Variants in ZMIZ1 observed in about 807,000 individuals in gnomAD.
ZMIZ1 encodes zinc finger MIZ-type containing 1.
A neutral mutation model predicts 113.9 loss-of-function variants in ZMIZ1; 17 were observed. The ratio of observed to expected loss-of-function variants is 0.15; its 90% CI spans 0.10 to 0.22. The LOEUF (loss-of-function observed/expected upper bound fraction) is 0.22. Ranked by LOEUF, ZMIZ1 falls within the 10% of genes least tolerant of loss-of-function variation. The pLI is 1.00. For missense variants in ZMIZ1, 1,059 were observed against 1,477.8 expected (o/e 0.72, Z 4.65); for synonymous variants, 607 against 603.1 (o/e 1.01, Z -0.09).
chr10:79,102,347 C>T (rs779715332), intron 1 of ZMIZ1, among the ~76,000 whole-genome samples: 38 of 152,362 alleles, frequency 2.5e-4, no homozygotes, highest in South Asian at 6.2e-4. Flanking sequence ...GCAGCGTGAC[C>T]TGAATCTGGC....
chr10:79,159,611 A>T (rs1029641649), intron 3 of ZMIZ1, among the ~76,000 whole-genome samples: 39 of 152,208 alleles, frequency 2.6e-4, no homozygotes, highest in African/African-American at 9.2e-4. Context: ...TGTGGAAATC[A>T]GGGATGTCAG....
intron 23 of ZMIZ1, among the ~76,000 whole-genome samples, chr10:79,309,746 A>G (rs1371404716): frequency 6.6e-6 from 1 of 152,190 alleles, no homozygotes; most frequent in African/African-American, 2.4e-5. Context: ...GCACACAGGA[A>G]GAACATGTCA....
At chr10:79,185,481 G>C (rs1040183816) in intron 4 of ZMIZ1, among the ~76,000 whole-genome samples, 7 of 151,902 alleles carry the variant, frequency 4.6e-5, no homozygotes, top group African/African-American at 1.7e-4. Context: ...TTGTTGACTG[G>C]AGCCAGAAGG....
At chr10:79,189,665 G>GAA (rs1847514812) in intron 4 of ZMIZ1, among the ~76,000 whole-genome samples, 1 of 152,360 alleles carries the variant, frequency 6.6e-6, no homozygotes, top group East Asian at 1.9e-4. Flanking sequence ...AAGATGGGGT[G>GAA]AAACATGGGT....
rs1589591728 is a variant in ZMIZ1, at chr10:79,296,962, T to C, written c.1413+309T>C. On this transcript the variant is annotated intron_variant, in intron 13 of 24. Coordinates refer to ENST00000334512, the MANE Select transcript of ZMIZ1 (RefSeq NM_020338.4). The surrounding 1 kb of genome is among the most constrained non-coding windows in gnomAD (Gnocchi z 4.1). ...AAAAAACACACATCCCCTGTATATA[T>C]TAACATTTCATTCTAAACTTTGTAT... 7.4e-6 allele frequency: 2 copies of C among 268,678 alleles called. No homozygotes were observed. Among genetic ancestry groups the C allele is most frequent in the East Asian group, 1.4e-4 (2 of 14,198 alleles). 16.6% of individuals were successfully genotyped at this position (268,678 alleles called of 1,614,324 possible). A position where few individuals can be genotyped will look rare whatever the true frequency, so the allele number is the denominator to read the frequency against.
In ZMIZ1 at chr10:79,069,586, C is replaced by T. The variant is rs1464097525; in HGVS notation, c.-337+316C>T. Among the ~76,000 whole-genome samples the T allele has an allele frequency of 6.6e-6, 1 of 151,730 alleles. No homozygotes were observed. Among genetic ancestry groups the T allele is most frequent in the Admixed American group, 6.5e-5 (1 of 15,294 alleles). On this transcript the variant is annotated intron_variant, in intron 1 of 24. Transcript: ENST00000334512. This position sits in a 1 kb window ranked among gnomAD's most constrained non-coding sequence, Gnocchi z 4.6. ...ACCCGGTGCCCGCCTCCTGCCGGCG[C>T]GCCTCCAGCCCTCGCTCCCTACACC...
At chr10:79,155,931 G>A (rs1303926308) in intron 3 of ZMIZ1, among the ~76,000 whole-genome samples, 2 of 152,252 alleles carry the variant, frequency 1.3e-5, no homozygotes, top group Non-Finnish European at 1.5e-5. Context: ...TGGCCCGCCA[G>A]CACTCTGTGC....
intron 1 of ZMIZ1, among the ~76,000 whole-genome samples, chr10:79,086,936 A>G (rs898537981): frequency 2.6e-5 from 4 of 152,206 alleles, no homozygotes; most frequent in African/African-American, 9.7e-5. Flanking sequence ...TCCATATAGC[A>G]AATAATTCTG....
At chr10:79,285,804 G>A (rs1853040327) in intron 8 of ZMIZ1, among the ~76,000 whole-genome samples, 1 of 152,254 alleles carries the variant, frequency 6.6e-6, no homozygotes, top group African/African-American at 2.4e-5. Flanking sequence ...CGAAGAGCCA[G>A]TGGAGTTCAG....
intron 7 of ZMIZ1, among the ~76,000 whole-genome samples, chr10:79,238,551 T>C (rs1293750646): frequency 1.3e-5 from 2 of 152,228 alleles, no homozygotes; most frequent in South Asian, 2.1e-4. Flanking sequence ...GCAAGAACTA[T>C]TTCAGTATTT....
At chr10:79,197,774 G>A (rs1847905023) in intron 4 of ZMIZ1, among the ~76,000 whole-genome samples, 1 of 151,994 alleles carries the variant, frequency 6.6e-6, no homozygotes, top group South Asian at 2.1e-4. Flanking sequence ...GTAAAATGGG[G>A]ATGTAACTAC....
intron 4 of ZMIZ1, among the ~76,000 whole-genome samples, chr10:79,186,768 A>G (rs1476639581): frequency 6.6e-6 from 1 of 152,238 alleles, no homozygotes; most frequent in Admixed American, 6.5e-5. Context: ...GAATGGTGAG[A>G]GTCCTGCTTC....
intron 4 of ZMIZ1, among the ~76,000 whole-genome samples, chr10:79,176,432 G>C (rs1846872601): frequency 6.6e-6 from 1 of 152,042 alleles, no homozygotes; most frequent in Admixed American, 6.5e-5. Context: ...AGAGCTCCGA[G>C]GTCTTCCTGA....
At chr10:79,196,077 C>A (rs1847820037) in intron 4 of ZMIZ1, among the ~76,000 whole-genome samples, 1 of 152,160 alleles carries the variant, frequency 6.6e-6, no homozygotes, top group South Asian at 2.1e-4. Context: ...AGGCCTTTGA[C>A]CCTTTTACTC....
In ZMIZ1 at chr10:79,259,286, TGGA is replaced by T. The variant is rs370964679; in HGVS notation, c.281-17890_281-17888del. Among the ~76,000 whole-genome samples, 858 of 152,242 alleles carry T rather than the reference TGGA, an allele frequency of 5.6e-3. 7 individuals carry two copies. Among genetic ancestry groups the T allele is most frequent in the African/African-American group, 0.02 (827 of 41,532 alleles). ...CTGTCTTAAAGCCTCTGGTTTTTCA[TGGA>T]GGAGAAGAGAGAGGAGGCCAGACCT... On this transcript the variant is annotated intron_variant, in intron 7 of 24. Transcript: ENST00000334512.
At chr10:79,275,567 C>G (rs1250249648) in intron 7 of ZMIZ1, among the ~76,000 whole-genome samples, 1 of 152,370 alleles carries the variant, frequency 6.6e-6, no homozygotes, top group Non-Finnish European at 1.5e-5. Flanking sequence ...CACTCCCGGT[C>G]ACTGTGCCTA....
Position 79,136,206 on chromosome 10 carries a change from C to T in ZMIZ1, c.-226-3476C>T, listed in dbSNP as rs137977656. 5.5e-3 allele frequency among the ~76,000 whole-genome samples: 831 copies of T among 152,344 alleles called. 10 individuals are homozygous for T. The highest frequency in any genetic ancestry group is 0.019 in the African/African-American group (776 of 41,572). ...TCGTCTCCAGGCCACCTTTTCTTAT[C>T]TGTAAAATGAGAGAATTGGACAACA... On this transcript the variant is annotated intron_variant, in intron 2 of 24. Coordinates refer to ENST00000334512, the MANE Select transcript of ZMIZ1 (RefSeq NM_020338.4).
At chr10:79,114,079 C>A (rs1176793123) in intron 1 of ZMIZ1, among the ~76,000 whole-genome samples, 1 of 152,200 alleles carries the variant, frequency 6.6e-6, no homozygotes, top group East Asian at 1.9e-4. Context: ...GCAGTGCTGC[C>A]CCTCTGACTG....
intron 8 of ZMIZ1, among the ~76,000 whole-genome samples, chr10:79,288,426 G>T (rs951844670): frequency 6.6e-6 from 1 of 152,206 alleles, no homozygotes; most frequent in African/African-American, 2.4e-5. Flanking sequence ...GCCATTTGCT[G>T]TCTCCTGTGA....
Sources: allele counts gnomAD v4.1 joint callset (sites outside exome capture counted in the v4.1 genomes callset), GRCh38; gene constraint gnomAD v4.1.1; non-coding constraint Gnocchi (gnomAD v3.1); transcripts MANE v1.5; gene names NCBI Gene and HGNC (gene_info 2026-07-23, HGNC 2026-07-21).